Variants in KCNC2 observed in about 807,000 individuals in gnomAD.
KCNC2 encodes the protein potassium voltage-gated channel subfamily C member 2, also known as voltage-gated potassium channel KCNC2.
In KCNC2, 21 loss-of-function variants were observed where a neutral mutation model predicts 44.5. The ratio of observed to expected loss-of-function variants is 0.47; its 90% CI spans 0.33 to 0.68. The LOEUF is 0.68. Ranked by LOEUF, KCNC2 falls within the 30% of genes least tolerant of loss-of-function variation. The pLI is 0.01. For synonymous variants in KCNC2, 391 were observed against 339.1 expected (o/e 1.15, Z -1.68); for missense variants, 589 against 826.2 (o/e 0.71, Z 3.52).
chr12:75,197,254 T>G (rs547991076), intron 2 of KCNC2, among the ~76,000 whole-genome samples: 57 of 152,140 alleles, frequency 3.7e-4, no homozygotes, highest in African/African-American at 1.3e-3. Context: ...GGTCCCCTCC[T>G]TCCCAATTTC....
At chr12:75,045,560 A>G (rs1880398053) in intron 4 of KCNC2, among the ~76,000 whole-genome samples, 1 of 151,928 alleles carries the variant, frequency 6.6e-6, no homozygotes, top group Admixed American at 6.6e-5. Context: ...TTTTACTCGA[A>G]TGGCTAAAAA....
At chr12:75,116,074 C>T (rs1887639607) in intron 2 of KCNC2, among the ~76,000 whole-genome samples, 1 of 152,122 alleles carries the variant, frequency 6.6e-6, no homozygotes, top group South Asian at 2.1e-4. Flanking sequence ...GATAGGTTTT[C>T]AGCATAAACC....
intron 2 of KCNC2, among the ~76,000 whole-genome samples, chr12:75,052,579 G>T (rs1316229414): frequency 6.6e-6 from 1 of 152,058 alleles, no homozygotes; most frequent in Admixed American, 6.6e-5. Context: ...TCATTCAGGA[G>T]AAGGAAGTTG....
intron 2 of KCNC2, among the ~76,000 whole-genome samples, chr12:75,066,033 T>C (rs1882794919): frequency 6.6e-6 from 1 of 152,088 alleles, no homozygotes; most frequent in South Asian, 2.1e-4. Context: ...ATATCAAATA[T>C]ACGTCTATTA....
At chr12:75,078,297 A>G (rs1475401743) in intron 2 of KCNC2, among the ~76,000 whole-genome samples, 3 of 152,168 alleles carry the variant, frequency 2.0e-5, no homozygotes, top group Non-Finnish European at 4.4e-5. Flanking sequence ...GCACTGTGTT[A>G]TGACTCAGGG....
At chr12:75,161,936 A>C (rs185520328) in intron 2 of KCNC2, among the ~76,000 whole-genome samples, 6 of 151,846 alleles carry the variant, frequency 4.0e-5, no homozygotes, top group Admixed American at 1.3e-4. Context: ...AACTGAAAGC[A>C]ACTTAAATTC....
At chr12:75,128,191 C>T (rs1468542439) in intron 2 of KCNC2, among the ~76,000 whole-genome samples, 1 of 152,088 alleles carries the variant, frequency 6.6e-6, no homozygotes, top group Non-Finnish European at 1.5e-5. Flanking sequence ...AGCCTTATTT[C>T]TGCAGAAAAT....
intron 2 of KCNC2, among the ~76,000 whole-genome samples, chr12:75,198,918 A>G (rs2031004589): frequency 6.6e-6 from 1 of 151,816 alleles, no homozygotes; most frequent in African/African-American, 2.4e-5. Flanking sequence ...TAAACATGTA[A>G]TATATATTTA....
intron 2 of KCNC2, among the ~76,000 whole-genome samples, chr12:75,178,666 T>C (rs529624966): frequency 7.1e-4 from 108 of 152,090 alleles, no homozygotes; most frequent in African/African-American, 2.6e-3. Context: ...ATAACAAAAG[T>C]ACACCCCCAA....
chr12:75,207,472 G>C lies in KCNC2; in HGVS notation c.512C>G (p.Thr171Ser). ...DAEEALDIFETPDLIGGDPGD... is the reference protein window; with the variant it reads ...DAEEALDIFESPDLIGGDPGD... ...GGGGTCGCCGCCAATGAGGTCGGGGGTCTCGAAGATGTCCAGCGCCTCCTC... is the reference window on the plus strand; with the variant it reads ...GGGGTCGCCGCCAATGAGGTCGGGGCTCTCGAAGATGTCCAGCGCCTCCTC... Residue 171 changes from threonine (T) to serine (S), a missense_variant, in exon 2 of 5, where the codon ACC becomes AGC. Thr to Ser is a moderately conservative substitution (Grantham distance 58). This residue lies in a region of KCNC2 where 97 missense variants were observed against 73.3 expected (regional missense o/e 1.32). Coordinates refer to ENST00000549446, the MANE Select transcript of KCNC2 (RefSeq NM_139137.4). The surrounding 1 kb of genome is among the most constrained non-coding windows in gnomAD (Gnocchi z 4.1). The C allele has an allele frequency of 6.2e-7, 1 of 1,612,492 alleles. No individual in the cohort carries two copies. Among genetic ancestry groups the C allele is most frequent in the Non-Finnish European group, 8.5e-7 (1 of 1,179,758 alleles).
At chr12:75,151,941 C>T (rs1228066033) in intron 2 of KCNC2, among the ~76,000 whole-genome samples, 1 of 144,692 alleles carries the variant, frequency 6.9e-6, no homozygotes, top group Non-Finnish European at 1.5e-5. Flanking sequence ...ATATATTATA[C>T]ATTTATATAT....
intron 4 of KCNC2, among the ~76,000 whole-genome samples, chr12:75,046,615 T>G (rs1454230981): frequency 6.6e-6 from 1 of 151,876 alleles, no homozygotes; most frequent in East Asian, 1.9e-4. Context: ...ATATGATGAT[T>G]ATTATTTAAC....
At chr12:75,068,085 G>T (rs1356431488) in intron 2 of KCNC2, among the ~76,000 whole-genome samples, 1 of 152,086 alleles carries the variant, frequency 6.6e-6, no homozygotes, top group East Asian at 1.9e-4. Context: ...AATCAATCTG[G>T]GGAAAAGCTT....
intron 2 of KCNC2, among the ~76,000 whole-genome samples, chr12:75,181,226 A>G (rs1892551010): frequency 6.6e-6 from 1 of 152,136 alleles, no homozygotes; most frequent in African/African-American, 2.4e-5. Context: ...AATGAAAGGA[A>G]AAAAAACAGT....
chr12:75,117,231 G>T (rs1324645735), intron 2 of KCNC2, among the ~76,000 whole-genome samples: 2 of 152,146 alleles, frequency 1.3e-5, no homozygotes, highest in Non-Finnish European at 2.9e-5. Flanking sequence ...GAGAAGTTTT[G>T]TTTTGAATTC....
intron 2 of KCNC2, among the ~76,000 whole-genome samples, chr12:75,183,138 TA>T (rs550255949): frequency 8.4e-4 from 128 of 152,362 alleles, no homozygotes; most frequent in Non-Finnish European, 1.6e-3. Context: ...ACTTGTATGC[TA>T]ACAGAGGCAT....
chr12:75,043,933 G>A (rs981424689), intron 4 of KCNC2: 32 of 548,378 alleles, frequency 5.8e-5, no homozygotes, highest in Admixed American at 2.4e-4. Context: ...TTCCACCCCC[G>A]ACCTTCCCAC....
chr12:75,171,983 T>C (rs1163539311), intron 2 of KCNC2, among the ~76,000 whole-genome samples: 1 of 151,728 alleles, frequency 6.6e-6, no homozygotes, highest in Non-Finnish European at 1.5e-5. Context: ...CAAACCTGCA[T>C]ATACTGCACA....
chr12:75,189,216 A>G (rs2029957940), intron 2 of KCNC2, among the ~76,000 whole-genome samples: 1 of 152,094 alleles, frequency 6.6e-6, no homozygotes, highest in Non-Finnish European at 1.5e-5. Flanking sequence ...AGAGGGATGA[A>G]CCCTACTTCT....
Sources: allele counts gnomAD v4.1 joint callset (sites outside exome capture counted in the v4.1 genomes callset), GRCh38; gene constraint gnomAD v4.1.1; regional missense constraint gnomAD v4.1.1; non-coding constraint Gnocchi (gnomAD v3.1); transcripts MANE v1.5; gene names NCBI Gene and HGNC (gene_info 2026-07-23, HGNC 2026-07-21).